Variants in GFRA1 observed in about 807,000 individuals in gnomAD.
GFRA1 encodes GDNF family receptor alpha-1.
In GFRA1, 16 loss-of-function variants were observed where a neutral mutation model predicts 51.6. The ratio of observed to expected loss-of-function variants is 0.31; its 90% CI spans 0.21 to 0.47. GFRA1 has a LOEUF of 0.47. Ranked by LOEUF, GFRA1 falls within the 20% of genes least tolerant of loss-of-function variation. GFRA1 has a pLI of 1.00. For missense variants in GFRA1, 530 were observed against 594.3 expected (o/e 0.89, Z 1.13); for synonymous variants, 270 against 241.3 (o/e 1.12, Z -1.10).
chr10:116,229,353 G>A (rs1966539398), intron 4 of GFRA1, among the ~76,000 whole-genome samples: 1 of 151,780 alleles, frequency 6.6e-6, no homozygotes, highest in Admixed American at 6.5e-5. Flanking sequence ...AAGTATTTCT[G>A]TAGAATGACC....
intron 9 of GFRA1, among the ~76,000 whole-genome samples, chr10:116,081,354 T>G (rs939900954): frequency 1.3e-5 from 2 of 152,218 alleles, no homozygotes; most frequent in East Asian, 3.8e-4. Flanking sequence ...CTTTTCTTTA[T>G]GCTCATTTAT....
At chr10:116,085,282 C>G (rs1386973405) in intron 9 of GFRA1, among the ~76,000 whole-genome samples, 1 of 152,184 alleles carries the variant, frequency 6.6e-6, no homozygotes, top group East Asian at 1.9e-4. Context: ...AGGGGGAAAT[C>G]TATCTCAAAT....
At chr10:116,116,845 C>T (rs558575052) in intron 6 of GFRA1, among the ~76,000 whole-genome samples, 175 of 152,294 alleles carry the variant, frequency 1.1e-3, no homozygotes, top group Non-Finnish European at 2.1e-3. Flanking sequence ...CTCTTATGGA[C>T]ATGATGGTCT....
chr10:116,271,170 C>A, intron 2 of GFRA1, 55 bp from the exon 3 acceptor site: 1 of 1,504,898 alleles, frequency 6.6e-7, no homozygotes, highest in South Asian at 1.3e-5. Context: ...CCCGGCCGCC[C>A]CTGCTCCGGG....
chr10:116,273,637 GACAC>G (rs201063421), upstream of GFRA1, among the ~76,000 whole-genome samples: 990 of 145,458 alleles, frequency 6.8e-3, 10 homozygotes, highest in African/African-American at 0.024. Flanking sequence ...GGTGCTGCCA[GACAC>G]ACACACTCTC....
At chr10:116,080,065 C>G (rs1413127349) in intron 9 of GFRA1, among the ~76,000 whole-genome samples, 1 of 152,124 alleles carries the variant, frequency 6.6e-6, no homozygotes, top group Non-Finnish European at 1.5e-5. Context: ...TCCTTAAGGG[C>G]ACTTCTCTGA....
intron 5 of GFRA1, among the ~76,000 whole-genome samples, chr10:116,161,403 C>A (rs775357011): frequency 6.6e-6 from 1 of 152,192 alleles, no homozygotes; most frequent in Non-Finnish European, 1.5e-5. Context: ...AATTTGGAAG[C>A]AGCAGCGTTT....
chr10:116,087,975 G>A (rs1423065986), intron 9 of GFRA1, among the ~76,000 whole-genome samples: 1 of 152,092 alleles, frequency 6.6e-6, no homozygotes, highest in Non-Finnish European at 1.5e-5. Context: ...AAATGCCCGG[G>A]AAATGCTTTA....
At chr10:116,256,432 T>C (rs1968862313) in intron 4 of GFRA1, among the ~76,000 whole-genome samples, 2 of 152,006 alleles carry the variant, frequency 1.3e-5, no homozygotes, top group African/African-American at 4.8e-5. Context: ...CACCAGCAGC[T>C]AAAAAGGGCA....
intron 3 of GFRA1, among the ~76,000 whole-genome samples, chr10:116,270,595 C>T (rs958155750): frequency 1.3e-5 from 2 of 152,180 alleles, no homozygotes; most frequent in African/African-American, 4.8e-5. Flanking sequence ...CCGGGGGTGG[C>T]CCTCCCCCCA....
chr10:116,225,146 T>G (rs539301390), intron 4 of GFRA1, among the ~76,000 whole-genome samples: 2 of 152,222 alleles, frequency 1.3e-5, no homozygotes, highest in East Asian at 3.9e-4. Context: ...TGTAATATGA[T>G]CTAAGTAAAA....
At position 116,183,943 on chromosome 10, in the gene GFRA1, G is replaced by C. The variant is rs556142984; in HGVS notation, c.433+27688C>G. Among the ~76,000 whole-genome samples the C allele has an allele frequency of 6.6e-5, 10 of 152,298 alleles. No homozygotes were observed. In the East Asian group the frequency reaches 1.9e-3, roughly 29 times the overall value. On this transcript the variant is annotated intron_variant, in intron 5 of 10. Transcript: ENST00000355422. ...GATGAATCACTCCACTGCCTGCCTT[G>C]GAATTTACTAGGTGAAGGTCACTGA...
chr10:116,184,645 T>G (rs548175083), intron 5 of GFRA1, among the ~76,000 whole-genome samples: 2 of 152,366 alleles, frequency 1.3e-5, no homozygotes, highest in African/African-American at 4.8e-5. Context: ...CCCGGCCAGC[T>G]GCTCAGGCTC....
intron 5 of GFRA1, among the ~76,000 whole-genome samples, chr10:116,185,179 A>G (rs547933689): frequency 6.6e-6 from 1 of 151,746 alleles, no homozygotes; most frequent in Non-Finnish European, 1.5e-5. Flanking sequence ...CTGAGAGGAG[A>G]CAGGACCTGG....
chr10:116,204,947 TG>T (rs2134407396), intron 5 of GFRA1, among the ~76,000 whole-genome samples: 1 of 152,214 alleles, frequency 6.6e-6, no homozygotes, highest in East Asian at 1.9e-4. Flanking sequence ...ACCACACCAG[TG>T]GAGAAACTTG....
chr10:116,226,037 A>G (rs1180807378), intron 4 of GFRA1, among the ~76,000 whole-genome samples: 1 of 152,160 alleles, frequency 6.6e-6, no homozygotes, highest in Admixed American at 6.5e-5. Context: ...AAGTACTTTC[A>G]GATCTAGTAC....
intron 8 of GFRA1, among the ~76,000 whole-genome samples, chr10:116,091,803 A>G (rs1369182987): frequency 6.6e-6 from 1 of 152,182 alleles, no homozygotes; most frequent in East Asian, 1.9e-4. Context: ...CCATCTAGTC[A>G]TAGTGGAAAT....
At chr10:116,184,365 A>C (rs532318355) in intron 5 of GFRA1, among the ~76,000 whole-genome samples, 1 of 152,226 alleles carries the variant, frequency 6.6e-6, no homozygotes, top group African/African-American at 2.4e-5. Flanking sequence ...GGAGGAGGGC[A>C]GGTGACAGCC....
intron 4 of GFRA1, among the ~76,000 whole-genome samples, chr10:116,242,563 CCT>C (rs1303757471): frequency 3.3e-5 from 5 of 151,608 alleles, no homozygotes; most frequent in South Asian, 4.2e-4. Flanking sequence ...CTCACTGCAA[CCT>C]CTGACTCCCG....
Sources: allele counts gnomAD v4.1 joint callset (sites outside exome capture counted in the v4.1 genomes callset), GRCh38; gene constraint gnomAD v4.1.1; transcripts MANE v1.5; gene names NCBI Gene and HGNC (gene_info 2026-07-23, HGNC 2026-07-21).